The following STT3B variants were observed in gnomAD, a reference collection of about 807,000 sequenced individuals.
STT3B encodes the protein STT3 oligosaccharyltransferase complex catalytic subunit B, also known as dolichyl-diphosphooligosaccharide--protein glycosyltransferase subunit STT3B.
A neutral mutation model predicts 96.8 loss-of-function variants in STT3B; 29 were observed. The ratio of observed to expected loss-of-function variants is 0.30; its 90% CI spans 0.22 to 0.41. STT3B has a LOEUF of 0.41. Among genes scored for constraint, STT3B ranks in the 10% least tolerant of loss-of-function variants. The probability of loss-of-function intolerance (pLI) is 1.00; values close to 1 mark genes in which losing one functional copy is unlikely to be tolerated. For missense variants in STT3B, 640 were observed against 1,022.3 expected (o/e 0.63, Z 5.10); for synonymous variants, 367 against 360.0 (o/e 1.02, Z -0.22).
At chr3:31,555,026 G>A (rs1697669549) in intron 1 of STT3B, among the ~76,000 whole-genome samples, 1 of 152,014 alleles carries the variant, frequency 6.6e-6, no homozygotes, top group African/African-American at 2.4e-5. Flanking sequence ...CCACTGACTG[G>A]CCTCTCTGCC....
intron 15 of STT3B, among the ~76,000 whole-genome samples, chr3:31,633,686 T>G (rs1575451274): frequency 6.6e-6 from 1 of 152,222 alleles, no homozygotes; most frequent in East Asian, 1.9e-4. Flanking sequence ...TTTCTAATAT[T>G]ATATAAGATA....
At chr3:31,563,656 G>A (rs944906608) in intron 1 of STT3B, among the ~76,000 whole-genome samples, 2 of 152,186 alleles carry the variant, frequency 1.3e-5, no homozygotes, top group Admixed American at 1.3e-4. Context: ...TGGGTTAAGA[G>A]CATTCCTCTT....
intron 5 of STT3B, among the ~76,000 whole-genome samples, chr3:31,605,231 TC>T (rs1349828452): frequency 2.0e-5 from 3 of 152,246 alleles, no homozygotes; most frequent in Middle Eastern, 3.4e-3. Flanking sequence ...AAATAAACTT[TC>T]ACTCAACTAT....
Position 31,615,217 on chromosome 3 carries a change from A to G in STT3B, c.976+14A>G, listed in dbSNP as rs771669817. 13 of 1,573,168 alleles carry G rather than the reference A, an allele frequency of 8.3e-6. No homozygotes were observed. The highest frequency in any genetic ancestry group is 1.7e-4 in the Middle Eastern group (1 of 6,004). On this transcript the variant is annotated intron_variant, in intron 6 of 15. Coordinates refer to ENST00000295770, the MANE Select transcript of STT3B (RefSeq NM_178862.3). ...TGGCAGCTGCAGGTATGAAAAATAT[A>G]TATTTTCCTTCTTCTAAAGAATATG...
At chr3:31,617,175 G>C in intron 7 of STT3B, 100 bp downstream of exon 7, 1 of 796,056 alleles carries the variant, frequency 1.3e-6, no homozygotes, top group Non-Finnish European at 1.8e-6. Context: ...TGACTACAAA[G>C]TGATTTTTTT....
At chr3:31,575,472 G>A (rs1313322140) in intron 1 of STT3B, among the ~76,000 whole-genome samples, 1 of 151,676 alleles carries the variant, frequency 6.6e-6, no homozygotes, top group Non-Finnish European at 1.5e-5. Flanking sequence ...TTTTTGGGGG[G>A]GGGATATGTT....
At chr3:31,571,771 T>G (rs956115782) in intron 1 of STT3B, among the ~76,000 whole-genome samples, 4 of 151,914 alleles carry the variant, frequency 2.6e-5, no homozygotes, top group Admixed American at 2.6e-4. Context: ...ATATTTGCTT[T>G]GGATTGAATT....
At chr3:31,619,188 A>G (rs1699377592) in intron 8 of STT3B, among the ~76,000 whole-genome samples, 1 of 152,174 alleles carries the variant, frequency 6.6e-6, no homozygotes, top group Non-Finnish European at 1.5e-5. Context: ...ACATGATGCT[A>G]AAAGGAAATG....
Position 31,626,106 on chromosome 3 carries a change from A to T in STT3B, c.2052A>T (p.Gly684=). 3 of 1,613,490 alleles carry T rather than the reference A, an allele frequency of 1.9e-6. No individual in the cohort carries two copies. Among genetic ancestry groups the T allele is most frequent in the Non-Finnish European group, 2.5e-6 (3 of 1,179,768 alleles). The change falls in exon 13 of 16, where the codon GGA becomes GGT. Residue 684 remains glycine, a synonymous_variant. Coordinates refer to ENST00000295770, the MANE Select transcript of STT3B (RefSeq NM_178862.3). ...KFLWMVRIAE[G]EHPKDIRESD... ...TCTGGATGGTTAGGATAGCTGAAGG[A>T]GAACATCCCAAAGACATTCGGGTAA...
intron 5 of STT3B, 24 bp downstream of exon 5, chr3:31,600,483 C>T (rs777154395): frequency 6.5e-6 from 7 of 1,081,780 alleles, no homozygotes; most frequent in Non-Finnish European, 9.9e-6. Context: ...TTTTTGACAT[C>T]TGTCAACTAA....
chr3:31,571,544 T>C (rs1378133978), intron 1 of STT3B, among the ~76,000 whole-genome samples: 1 of 152,134 alleles, frequency 6.6e-6, no homozygotes, highest in African/African-American at 2.4e-5. Flanking sequence ...CTCTTTTGGC[T>C]ACAGGTATTG....
chr3:31,612,135 T>C lies in STT3B; in HGVS notation c.878-2970T>C, dbSNP rs577823136. Among the ~76,000 whole-genome samples the C allele has an allele frequency of 2.6e-5, 4 of 152,300 alleles. No individual in the cohort carries two copies. The East Asian group carries it at 7.7e-4, about 29-fold the overall frequency. On this transcript the variant is annotated intron_variant, in intron 5 of 15. Coordinates refer to ENST00000295770, the MANE Select transcript of STT3B (RefSeq NM_178862.3). ...GCGTTTCCTGTTTTGCATTACCAGTTTGGGTATGCTCAGCTATTAAGTATA... is the reference window on the plus strand; with the variant it reads ...GCGTTTCCTGTTTTGCATTACCAGTCTGGGTATGCTCAGCTATTAAGTATA...
chr3:31,547,474 G>A (rs557899351), intron 1 of STT3B, among the ~76,000 whole-genome samples: 5 of 152,116 alleles, frequency 3.3e-5, no homozygotes, highest in East Asian at 1.9e-4. Context: ...GTGAAACCCC[G>A]TCTCTACTAA....
At chr3:31,558,159 G>C (rs976831381) in intron 1 of STT3B, among the ~76,000 whole-genome samples, 55 of 152,196 alleles carry the variant, frequency 3.6e-4, no homozygotes, top group African/African-American at 1.3e-3. Context: ...TTTCAATTTG[G>C]ATGCCTTTTA....
chr3:31,553,394 A>T (rs1017181683), intron 1 of STT3B, among the ~76,000 whole-genome samples: 1 of 152,218 alleles, frequency 6.6e-6, no homozygotes, highest in Middle Eastern at 3.2e-3. Flanking sequence ...CAGAAGGGGA[A>T]TGGATTGTAG....
rs571482032 is a variant in STT3B, at chr3:31,625,739, C to T, written c.1900-215C>T. 3.9e-5 allele frequency among the ~76,000 whole-genome samples: 6 copies of T among 152,246 alleles called. No individual in the cohort carries two copies. The East Asian group carries it at 1.2e-3, about 29-fold the overall frequency. On this transcript the variant is annotated intron_variant, in intron 12 of 15. Transcript: ENST00000295770. ...CTTAATTATTAGCAAAATATTAGAG[C>T]ATGTATTCTGATTTTTGACTGTAAA... is the stretch of plus-strand genomic sequence containing the variant.
intron 1 of STT3B, among the ~76,000 whole-genome samples, chr3:31,571,582 C>T (rs1039717332): frequency 2.0e-5 from 3 of 151,964 alleles, no homozygotes; most frequent in Non-Finnish European, 4.4e-5. Flanking sequence ...CTCATGGCAG[C>T]CAACACATAG....
chr3:31,533,714 T>G, intron 1 of STT3B: 1 of 155,734 alleles, frequency 6.4e-6, no homozygotes, highest in Non-Finnish European at 1.4e-5. Flanking sequence ...TGTCGGTCGA[T>G]TCCCCGCCCT....
chr3:31,599,679 T>G (rs918565253), intron 4 of STT3B, among the ~76,000 whole-genome samples: 1 of 152,234 alleles, frequency 6.6e-6, no homozygotes, highest in Non-Finnish European at 1.5e-5. Context: ...TATTATTTAG[T>G]GTACCAAAAA....
Sources: gnomAD v4.1 joint callset for allele counts (sites outside exome capture counted in the v4.1 genomes callset) on GRCh38, gnomAD v4.1.1 for gene constraint, MANE v1.5 for transcripts, NCBI Gene and HGNC (gene_info 2026-07-23, HGNC 2026-07-21) for gene names.